FIP1L1: variants seen among roughly 807,000 people sequenced by gnomAD.
The protein encoded by FIP1L1 is factor interacting with PAPOLA and CPSF1.
FIP1L1 carries 21 observed loss-of-function variants against 84.6 expected under a neutral mutation model. The ratio of observed to expected loss-of-function variants is 0.25; its 90% CI spans 0.18 to 0.36. FIP1L1 has a LOEUF of 0.36. Among genes scored for constraint, FIP1L1 ranks in the 10% least tolerant of loss-of-function variants. The probability of loss-of-function intolerance (pLI) is 1.00; values close to 1 mark genes in which losing one functional copy is unlikely to be tolerated. For missense variants in FIP1L1, 526 were observed against 751.1 expected, an observed-to-expected ratio of 0.70 and a Z score of 3.50; for synonymous variants, 263 against 242.3, an observed-to-expected ratio of 1.09 and a Z score of -0.80.
chr4:53,382,228 A>G (rs764777198), intron 3 of FIP1L1, 50 bp from the exon 4 acceptor site: 4 of 1,297,024 alleles, frequency 3.1e-6, no homozygotes, highest in Middle Eastern at 1.9e-4. Flanking sequence ...ATCTATCTGT[A>G]CTTCCGAAAA....
intron 11 of FIP1L1, among the ~76,000 whole-genome samples, chr4:53,418,823 A>G (rs1578661680): frequency 6.6e-6 from 1 of 152,240 alleles, no homozygotes; most frequent in South Asian, 2.1e-4. Flanking sequence ...TAAACACAAT[A>G]CTTATAATAA....
chr4:53,429,313 A>G (rs1292235755), intron 13 of FIP1L1, among the ~76,000 whole-genome samples: 1 of 152,196 alleles, frequency 6.6e-6, no homozygotes, highest in Non-Finnish European at 1.5e-5. Flanking sequence ...TCCAGACAAC[A>G]TTAGTATTTC....
intron 10 of FIP1L1, among the ~76,000 whole-genome samples, chr4:53,401,121 A>G (rs1306851169): frequency 6.6e-6 from 1 of 152,226 alleles, no homozygotes; most frequent in Non-Finnish European, 1.5e-5. Context: ...CAGTGTAGTT[A>G]TCTATATTCA....
rs116150304 is a variant in FIP1L1, at chr4:53,419,600, C to T, written c.923+4878C>T. 7.5e-3 allele frequency among the ~76,000 whole-genome samples: 1,135 copies of T among 152,080 alleles called. 14 individuals are homozygous for T. The highest frequency in any genetic ancestry group is 0.026 in the African/African-American group (1,074 of 41,474). ...GGACTACAGGCATGCCCACCATGCT[C>T]GGCTAATTTTTTATTTTTTGTAGAG... On this transcript the variant is annotated intron_variant, in intron 11 of 17. Coordinates refer to ENST00000337488, the MANE Select transcript of FIP1L1 (RefSeq NM_030917.4).
chr4:53,405,146 A>C (rs1468152269), intron 10 of FIP1L1, among the ~76,000 whole-genome samples: 1 of 152,166 alleles, frequency 6.6e-6, no homozygotes, highest in Admixed American at 6.6e-5. Flanking sequence ...TTTTAGGTCT[A>C]ACATTTAAGT....
intron 11 of FIP1L1, among the ~76,000 whole-genome samples, chr4:53,425,021 T>A (rs1025806302): frequency 1.3e-5 from 2 of 152,078 alleles, no homozygotes; most frequent in African/African-American, 4.8e-5. Flanking sequence ...ATCTATGGTA[T>A]TTTAATTGTT....
At chr4:53,395,960 C>T (rs553563560) in intron 9 of FIP1L1, among the ~76,000 whole-genome samples, 1 of 151,548 alleles carries the variant, frequency 6.6e-6, no homozygotes, top group Admixed American at 6.6e-5. Context: ...CTCTTGTTGC[C>T]CATGCTGGAG....
chr4:53,412,429 C>G (rs944517206), intron 10 of FIP1L1, among the ~76,000 whole-genome samples: 1 of 152,034 alleles, frequency 6.6e-6, no homozygotes, highest in South Asian at 2.1e-4. Flanking sequence ...CAGTGTCACG[C>G]GTTAAATTTA....
Position 53,377,678 on chromosome 4 carries a change from T to C in FIP1L1, c.-161T>C. The C allele has an allele frequency of 1.6e-6, 1 of 634,054 alleles. No individual in the cohort carries two copies. The highest frequency in any genetic ancestry group is 2.3e-5 in the South Asian group (1 of 43,912). 39.3% of individuals were successfully genotyped at this position (634,054 alleles called of 1,614,324 possible). On this transcript the variant is annotated 5_prime_UTR_variant, in exon 1 of 18. Coordinates refer to ENST00000337488, the MANE Select transcript of FIP1L1 (RefSeq NM_030917.4). ...ACGGACCTGCGCTGGAGGCTTCATC[T>C]TTGCCGCCGCTGCCGTCGCCTTCCT...
At chr4:53,438,076 A>G (rs544733549) in intron 13 of FIP1L1, among the ~76,000 whole-genome samples, 1 of 152,214 alleles carries the variant, frequency 6.6e-6, no homozygotes, top group South Asian at 2.1e-4. Flanking sequence ...GAGCTTGAGT[A>G]TTACTTTTCC....
At chr4:53,407,250 C>T (rs1004783090) in intron 10 of FIP1L1, among the ~76,000 whole-genome samples, 1 of 152,110 alleles carries the variant, frequency 6.6e-6, no homozygotes, top group African/African-American at 2.4e-5. Flanking sequence ...TTTATTTCTG[C>T]TTTCATTTCA....
At chr4:53,405,329 C>T in intron 10 of FIP1L1, among the ~76,000 whole-genome samples, 1 of 151,970 alleles carries the variant, frequency 6.6e-6, no homozygotes, top group South Asian at 2.1e-4. Context: ...AGACATGCGG[C>T]ATTATTTCTG....
At chr4:53,408,316 A>G (rs1754966019) in intron 10 of FIP1L1, among the ~76,000 whole-genome samples, 3 of 152,196 alleles carry the variant, frequency 2.0e-5, no homozygotes, top group Admixed American at 2.0e-4. Context: ...AATGTTGAAT[A>G]TTGGCCCCCA....
intron 16 of FIP1L1, among the ~76,000 whole-genome samples, chr4:53,456,064 G>A (rs1305295930): frequency 1.3e-5 from 2 of 152,186 alleles, no homozygotes; most frequent in African/African-American, 4.8e-5. Flanking sequence ...CTAAGTTCAA[G>A]GGCATTACTT....
chr4:53,414,904 C>G (rs57090564), intron 11 of FIP1L1, among the ~76,000 whole-genome samples, 182 bp downstream of exon 11: 14,506 of 152,036 alleles, frequency 0.095, 1,220 homozygotes, highest in South Asian at 0.28. Flanking sequence ...ACTTGTCTTG[C>G]TACCCATCTT....
intron 11 of FIP1L1, among the ~76,000 whole-genome samples, chr4:53,415,537 T>G (rs1310737680): frequency 6.6e-6 from 1 of 151,638 alleles, no homozygotes; most frequent in South Asian, 2.1e-4. Context: ...TTGTTTTTTT[T>G]TTTGCTTTTG....
At position 53,382,286 on chromosome 4, in the gene FIP1L1, C is replaced by A; in HGVS notation, c.179C>A (p.Pro60His). Residue 60 changes from proline (P) to histidine (H), a missense_variant, in exon 4 of 18, where the codon CCT (proline) becomes CAT (histidine). By Grantham distance (77) the Pro-to-His change is moderately conservative. Transcript: ENST00000337488. ...ACTTTTGTTGTTTGTAGTGCTAATCCTCCATCTGGAATTGAAGATGAAACT... is the reference window on the plus strand; with the variant it reads ...ACTTTTGTTGTTTGTAGTGCTAATCATCCATCTGGAATTGAAGATGAAACT... ...RPEEENASAN[P>H]PSGIEDETAE... The A allele has an allele frequency of 6.2e-7, 1 of 1,612,976 alleles. No homozygotes were observed. The highest frequency in any genetic ancestry group is 8.5e-7 in the Non-Finnish European group (1 of 1,179,048).
intron 11 of FIP1L1, among the ~76,000 whole-genome samples, chr4:53,420,115 G>A (rs1464385906): frequency 2.1e-5 from 3 of 142,526 alleles, no homozygotes; most frequent in East Asian, 2.2e-4. Flanking sequence ...GGAGAATGGC[G>A]TGAACCCGGG....
chr4:53,430,341 C>CTTTTTTTT (rs376793476), intron 13 of FIP1L1, among the ~76,000 whole-genome samples: 7 of 75,804 alleles, frequency 9.2e-5, no homozygotes, highest in African/African-American at 1.1e-4. Context: ...GATAAAATTA[C>CTTTTTTTT]TTTTTTTTTT....
Sources: allele counts gnomAD v4.1 joint callset (sites outside exome capture counted in the v4.1 genomes callset), GRCh38; gene constraint gnomAD v4.1.1; transcripts MANE v1.5; gene names NCBI Gene and HGNC (gene_info 2026-07-23, HGNC 2026-07-21).